Variants in FDFT1 observed in about 807,000 individuals in gnomAD.
FDFT1 encodes squalene synthase.
In FDFT1, 68 loss-of-function variants were observed where a neutral mutation model predicts 46.8. That is an observed-to-expected ratio of 1.45 (90% CI 1.19 to 1.78). The LOEUF (loss-of-function observed/expected upper bound fraction) is 1.78. Among genes scored for constraint, FDFT1 ranks in the 40% most tolerant of loss-of-function variants. The pLI, the probability that FDFT1 is intolerant of heterozygous loss-of-function variation, is 0.00. For missense variants in FDFT1, 928 were observed against 524.4 expected, an observed-to-expected ratio of 1.77 and a Z score of -7.52; for synonymous variants, 351 against 185.1, an observed-to-expected ratio of 1.90 and a Z score of -7.28.
rs1312936152 is a variant in FDFT1 at position 11,838,892 on chromosome 8, T to C, written c.*283T>C. 7.0e-6 allele frequency: 3 copies of C among 426,324 alleles called. No homozygotes were observed. The highest frequency in any genetic ancestry group is 1.3e-5 in the Non-Finnish European group (3 of 234,118). The allele number at this position is 426,324 out of a possible 1,614,324, so 26.4% of individuals were successfully genotyped here. On this transcript the variant is annotated 3_prime_UTR_variant, in exon 8 of 8. Transcript: ENST00000220584. The stretch of plus-strand genomic sequence containing the variant: ...CCACGGTTTAGGTGAAGTCGCTGCA[T>C]ATGTGACTGTCATGAGATCCTACTT...
Position 11,837,492 on chromosome 8 carries a change from G to A in FDFT1, c.1033-896G>A, listed in dbSNP as rs1014641891. On this transcript the variant is annotated intron_variant, in intron 7 of 7. Transcript: ENST00000220584. ...AGCAGTCTACGTGCCTCAGCCTCCT[G>A]AAGTGCTGGGATTCCAAACATGAGC... Among the ~76,000 whole-genome samples the A allele has an allele frequency of 2.6e-5, 4 of 152,290 alleles. No individual in the cohort carries two copies. In the East Asian group the frequency reaches 7.7e-4, roughly 29 times the overall value.
At position 11,808,619 on chromosome 8, in the gene FDFT1, C is replaced by T. The variant is rs1031478972; in HGVS notation, c.100-175C>T. ...CCAGGGGCCCGGGCGCAGGCACCGC[C>T]CCGCGGGGCTGCTGCTTGCCTCCTG... On this transcript the variant is annotated intron_variant, in intron 1 of 7. Coordinates refer to ENST00000220584, the MANE Select transcript of FDFT1 (RefSeq NM_004462.5). The T allele has an allele frequency of 1.2e-5, 16 of 1,391,002 alleles. No individual in the cohort carries two copies. In the African/African-American group the frequency reaches 1.8e-4, roughly 16 times the overall value. The allele number at this position is 1,391,002 out of a possible 1,614,324, so 86.2% of individuals were successfully genotyped here.
rs1257008154 is a variant in FDFT1, at chr8:11,821,823, T to C, written c.455T>C (p.Ile152Thr). 4.3e-6 allele frequency: 7 copies of C among 1,613,732 alleles called. No homozygotes were observed. In the South Asian group the frequency reaches 5.5e-5, roughly 13 times the overall value. The change falls in exon 4 of 8, where the codon ATT (isoleucine) becomes ACT (threonine). Residue 152 changes from isoleucine to threonine, a missense_variant. Transcript: ENST00000220584. ...GCCGACATTTGCCGGAGAATGGGCA[T>C]TGGGATGGCAGAGTTTTTGGATAAG... ...VIADICRRMGIGMAEFLDKHV... is the reference protein window; with the variant it reads ...VIADICRRMGTGMAEFLDKHV...
chr8:11,795,743 G>A (rs986529309), exon 1 of FDFT1: 1 of 152,372 alleles, frequency 6.6e-6, no homozygotes, highest in Non-Finnish European at 1.5e-5. Flanking sequence ...CGAACCCACT[G>A]GGAGAAACAA....
At chr8:11,800,043 T>C (rs1245245172), upstream of FDFT1, among the ~76,000 whole-genome samples, 1 of 143,788 alleles carries the variant, frequency 7.0e-6, no homozygotes, top group African/African-American at 2.5e-5. Flanking sequence ...GGGTGGATCA[T>C]GAGGTCAGGA....
At chr8:11,806,275 G>C (rs998238210) in intron 1 of FDFT1, among the ~76,000 whole-genome samples, 9 of 152,122 alleles carry the variant, frequency 5.9e-5, no homozygotes, top group Admixed American at 5.9e-4. Flanking sequence ...AAACCCAAGA[G>C]GGACAGGCAC....
rs928716437 is a variant in FDFT1 at position 11,809,928 on chromosome 8, A to G, written c.381+78A>G. 136 of 1,108,290 alleles carry G rather than the reference A, an allele frequency of 1.2e-4. No homozygotes were observed. The African/African-American group carries it at 1.9e-3, about 16-fold the overall frequency. The allele number at this position is 1,108,290 out of a possible 1,614,324, so 68.7% of individuals were successfully genotyped here. A position where few individuals can be genotyped will look rare whatever the true frequency, so the allele number is the denominator to read the frequency against. ...CGTGGTTGTCCGGTAGCCTCCATAC[A>G]TGTGGAGAAAGGTTAAATAAGCATT... On this transcript the variant is annotated intron_variant, in intron 3 of 7. Transcript: ENST00000220584.
intron 2 of FDFT1, 27 bp downstream of exon 2, chr8:11,808,918 C>A: frequency 1.2e-6 from 2 of 1,607,284 alleles, no homozygotes; most frequent in Non-Finnish European, 1.7e-6. Context: ...GCGCCTCTGG[C>A]TTGGAGGAAA....
exon 1 of FDFT1, chr8:11,795,589 C>G (rs914859186): frequency 2.6e-5 from 3 of 114,764 alleles, no homozygotes; most frequent in African/African-American, 6.7e-5. Flanking sequence ...GGTGGCAACA[C>G]GCTGGGTTTG....
chr8:11,832,574 AAAG>A (rs1300862766), intron 7 of FDFT1, among the ~76,000 whole-genome samples: 173 of 141,884 alleles, frequency 1.2e-3, no homozygotes, highest in Middle Eastern at 3.5e-3. Context: ...AAAAAAAAAA[AAAG>A]TCTTAGAGAC....
intron 1 of FDFT1, among the ~76,000 whole-genome samples, chr8:11,804,762 A>T (rs1351898349): frequency 6.6e-6 from 1 of 151,666 alleles, no homozygotes; most frequent in Admixed American, 6.6e-5. Context: ...ACCTGCCACT[A>T]CGCCCGGCTG....
chr8:11,834,586 A>G (rs1563344552), intron 7 of FDFT1, among the ~76,000 whole-genome samples: 1 of 151,332 alleles, frequency 6.6e-6, no homozygotes, highest in Non-Finnish European at 1.5e-5. Flanking sequence ...TCCAGCCCCC[A>G]CCCAAACGTA....
At chr8:11,817,612 G>T (rs982063370) in intron 3 of FDFT1, among the ~76,000 whole-genome samples, 1 of 152,184 alleles carries the variant, frequency 6.6e-6, no homozygotes, top group African/African-American at 2.4e-5. Context: ...ATGTGTCGAG[G>T]AATGTATCCA....
At chr8:11,826,725 G>C (rs959818924) in intron 5 of FDFT1, among the ~76,000 whole-genome samples, 3 of 152,188 alleles carry the variant, frequency 2.0e-5, no homozygotes, top group Non-Finnish European at 4.4e-5. Flanking sequence ...TGAGGCAGGA[G>C]AATCGCTTGA....
chr8:11,823,721 C>A (rs1809575747), intron 4 of FDFT1, among the ~76,000 whole-genome samples: 1 of 152,070 alleles, frequency 6.6e-6, no homozygotes, highest in African/African-American at 2.4e-5. Flanking sequence ...AGGCACGTTG[C>A]CACCATGCCT....
chr8:11,803,660 C>T (rs1338042794), intron 1 of FDFT1: 3 of 433,200 alleles, frequency 6.9e-6, no homozygotes, highest in African/African-American at 4.2e-5. Context: ...CAGCCAAGTT[C>T]TTCTGGTCTG....
At chr8:11,803,892 C>T (rs1258601882) in intron 1 of FDFT1, 2 of 152,738 alleles carry the variant, frequency 1.3e-5, no homozygotes, top group African/African-American at 2.4e-5. Flanking sequence ...CAGGTACATC[C>T]TTCAGTCTAT....
At chr8:11,815,992 C>T (rs574539899) in intron 3 of FDFT1, among the ~76,000 whole-genome samples, 38 of 152,140 alleles carry the variant, frequency 2.5e-4, no homozygotes, top group South Asian at 2.3e-3. Flanking sequence ...AGGGTTTTTA[C>T]GGTTTTAGGC....
At chr8:11,832,276 C>A (rs966099307) in intron 7 of FDFT1, among the ~76,000 whole-genome samples, 1 of 151,932 alleles carries the variant, frequency 6.6e-6, no homozygotes, top group Non-Finnish European at 1.5e-5. Flanking sequence ...TATTTCTGGC[C>A]AGGCACAGTA....
Sources: gnomAD v4.1 joint callset for allele counts (sites outside exome capture counted in the v4.1 genomes callset) on GRCh38, gnomAD v4.1.1 for gene constraint, MANE v1.5 for transcripts, NCBI Gene and HGNC (gene_info 2026-07-23, HGNC 2026-07-21) for gene names.